The following TIAM1 variants were observed in gnomAD, a reference collection of about 807,000 sequenced individuals.
The protein encoded by TIAM1 is TIAM Rac1 associated GEF 1.
A neutral mutation model predicts 163.5 loss-of-function variants in TIAM1; 65 were observed. The ratio of observed to expected loss-of-function variants is 0.40; its 90% CI spans 0.33 to 0.49. The LOEUF (loss-of-function observed/expected upper bound fraction) is 0.49, where lower values mean the gene tolerates loss of function less well. Among genes scored for constraint, TIAM1 ranks in the 20% least tolerant of loss-of-function variants. The pLI, the probability that TIAM1 is intolerant of heterozygous loss-of-function variation, is 0.77. For missense variants in TIAM1, 1,789 were observed against 2,044.7 expected, an observed-to-expected ratio of 0.87 and a Z score of 2.41; for synonymous variants, 833 against 810.1, an observed-to-expected ratio of 1.03 and a Z score of -0.48.
At chr21:31,181,418 C>T (rs895437766) in intron 15 of TIAM1, among the ~76,000 whole-genome samples, 1 of 151,562 alleles carries the variant, frequency 6.6e-6, no homozygotes, top group Non-Finnish European at 1.5e-5. Context: ...CTATGGGGTC[C>T]CAGGAAGACT....
Position 31,124,690 on chromosome 21 carries a change from G to A in TIAM1, c.4138C>T (p.Pro1380Ser), listed in dbSNP as rs2082126781. Residue 1380 changes from proline to serine, a missense_variant, in exon 27 of 28, where the codon CCA (proline) becomes TCA (serine). By Grantham distance (74) the Pro-to-Ser change is moderately conservative. Coordinates refer to ENST00000541036, the MANE Select transcript of TIAM1 (RefSeq NM_001353694.2). ...TTTAGGAAATCCTTTCGGCTCTCTG[G>A]GGAGCTAGGAAAAGAAGATTTACAG... ...ERVFHLCCSSPESRKDFLKAV... is the reference protein window; with the variant it reads ...ERVFHLCCSSSESRKDFLKAV... The A allele has an allele frequency of 1.9e-6, 3 of 1,570,602 alleles. No homozygotes were observed. In the South Asian group the frequency reaches 3.6e-5, roughly 19 times the overall value.
At chr21:31,203,646 C>G (rs2086314116) in intron 11 of TIAM1, among the ~76,000 whole-genome samples, 1 of 150,228 alleles carries the variant, frequency 6.7e-6, no homozygotes, top group Non-Finnish European at 1.5e-5. Flanking sequence ...CACAGCAGAT[C>G]AAAAAGGTTC....
chr21:31,184,313 C>T (rs779433853), intron 14 of TIAM1, among the ~76,000 whole-genome samples: 1 of 152,194 alleles, frequency 6.6e-6, no homozygotes, highest in Non-Finnish European at 1.5e-5. Context: ...ACCATGTTAG[C>T]CAGGCTGGTC....
intron 2 of TIAM1, among the ~76,000 whole-genome samples, chr21:31,453,733 A>C (rs1026442096): frequency 2.0e-5 from 3 of 150,312 alleles, no homozygotes; most frequent in South Asian, 4.2e-4. Context: ...TAAATAAATA[A>C]ATTTTAAAAA....
chr21:31,218,692 A>G lies in TIAM1; in HGVS notation c.1996-993T>C, dbSNP rs184675071. On this transcript the variant is annotated intron_variant, in intron 8 of 27. Coordinates refer to ENST00000541036, the MANE Select transcript of TIAM1 (RefSeq NM_001353694.2). ...GCTTAAGTCCTGGTCAATGGCATAC[A>G]AGCAAAAAATATTTGCAACTTCCAG... Among the ~76,000 whole-genome samples, 39 of 152,302 alleles carry G rather than the reference A, an allele frequency of 2.6e-4. No homozygotes were observed. The East Asian group carries it at 7.1e-3, about 28-fold the overall frequency.
chr21:31,402,631 C>G (rs1190210181), intron 2 of TIAM1, among the ~76,000 whole-genome samples: 1 of 152,050 alleles, frequency 6.6e-6, no homozygotes, highest in African/African-American at 2.4e-5. Flanking sequence ...TATTTCCCCC[C>G]TCAGTTTCTC....
At chr21:31,352,743 C>T (rs73193767) in intron 2 of TIAM1, among the ~76,000 whole-genome samples, 13,802 of 151,590 alleles carry the variant, frequency 0.091, 1,021 homozygotes, top group East Asian at 0.42. Flanking sequence ...GGGATGGTAA[C>T]GCACACCTGT....
intron 11 of TIAM1, among the ~76,000 whole-genome samples, chr21:31,203,548 G>C (rs71321374): frequency 2.0e-4 from 31 of 152,202 alleles, no homozygotes; most frequent in Non-Finnish European, 2.8e-4. Context: ...GGGTATCTTA[G>C]GATTCAATGG....
chr21:31,278,179 A>G (rs1371525740), intron 2 of TIAM1, among the ~76,000 whole-genome samples: 2 of 152,248 alleles, frequency 1.3e-5, no homozygotes, highest in Non-Finnish European at 2.9e-5. Context: ...AGAGTAAAAC[A>G]GAAGCCCAAA....
intron 2 of TIAM1, among the ~76,000 whole-genome samples, chr21:31,298,774 C>CAG (rs138040478): frequency 0.23 from 23,599 of 102,992 alleles, 2,334 homozygotes; most frequent in East Asian, 0.51. Context: ...GTGTGAGAAA[C>CAG]AGAGAGAGAG....
chr21:31,143,413 C>T (rs2082949003), intron 20 of TIAM1, among the ~76,000 whole-genome samples: 1 of 151,032 alleles, frequency 6.6e-6, no homozygotes, highest in Admixed American at 6.6e-5. Flanking sequence ...AATAAATACC[C>T]TCTCCCCGCA....
intron 2 of TIAM1, among the ~76,000 whole-genome samples, chr21:31,389,495 C>T (rs1043617611): frequency 1.3e-5 from 2 of 152,208 alleles, no homozygotes; most frequent in Non-Finnish European, 2.9e-5. Flanking sequence ...AGGCGAGAGC[C>T]ACCGCCCCCA....
chr21:31,515,896 T>C (rs1361240894), intron 1 of TIAM1, among the ~76,000 whole-genome samples: 44 of 133,718 alleles, frequency 3.3e-4, no homozygotes, highest in Middle Eastern at 5.3e-3. Flanking sequence ...TCACCTGAGG[T>C]CAGGAGTTCG....
At chr21:31,305,143 T>C (rs2074651022) in intron 2 of TIAM1, among the ~76,000 whole-genome samples, 1 of 152,228 alleles carries the variant, frequency 6.6e-6, no homozygotes, top group African/African-American at 2.4e-5. Flanking sequence ...TCAACAAAGA[T>C]GTGCAACTAG....
intron 9 of TIAM1, among the ~76,000 whole-genome samples, chr21:31,214,379 T>G (rs2087059449): frequency 1.3e-5 from 2 of 151,350 alleles, no homozygotes; most frequent in African/African-American, 4.9e-5. Flanking sequence ...AAAATATAAA[T>G]AAAAGAAAAG....
At chr21:31,348,431 A>T (rs1029507981), upstream of TIAM1, among the ~76,000 whole-genome samples, 1 of 152,244 alleles carries the variant, frequency 6.6e-6, no homozygotes, top group African/African-American at 2.4e-5. Flanking sequence ...TCCTCGTGTT[A>T]GGTGATACGC....
intron 3 of TIAM1, among the ~76,000 whole-genome samples, chr21:31,273,184 A>T (rs2073139919): frequency 6.6e-6 from 1 of 152,222 alleles, no homozygotes; most frequent in Non-Finnish European, 1.5e-5. Flanking sequence ...CCAGCCTTAT[A>T]CCAAGGGTGA....
intron 2 of TIAM1, among the ~76,000 whole-genome samples, chr21:31,444,160 A>T (rs1186302841): frequency 6.6e-6 from 1 of 152,180 alleles, no homozygotes. Context: ...ACAGCATTAA[A>T]GATAAGCTGT....
intron 2 of TIAM1, among the ~76,000 whole-genome samples, chr21:31,433,828 C>T (rs1305646920): frequency 1.3e-5 from 2 of 151,686 alleles, no homozygotes; most frequent in Admixed American, 6.6e-5. Flanking sequence ...GACGAAGTCT[C>T]GCTCTGTCTC....
Sources: gnomAD v4.1 joint callset for allele counts (sites outside exome capture counted in the v4.1 genomes callset) on GRCh38, gnomAD v4.1.1 for gene constraint, MANE v1.5 for transcripts, NCBI Gene and HGNC (gene_info 2026-07-23, HGNC 2026-07-21) for gene names.